The following MECOM variants were observed in gnomAD, a reference collection of about 807,000 sequenced individuals.
MECOM encodes MDS1 and EVI1 complex locus.
In MECOM, 13 loss-of-function variants were observed where a neutral mutation model predicts 116.3. The ratio of observed to expected loss-of-function variants is 0.11; its 90% CI spans 0.07 to 0.18. The LOEUF (loss-of-function observed/expected upper bound fraction) is 0.18. Among genes scored for constraint, MECOM ranks in the 10% least tolerant of loss-of-function variants. MECOM has a pLI of 1.00. For missense variants in MECOM, 1,299 were observed against 1,509.0 expected, an observed-to-expected ratio of 0.86 and a Z score of 2.31; for synonymous variants, 528 against 535.2, an observed-to-expected ratio of 0.99 and a Z score of 0.19.
At chr3:169,635,791 AT>A (rs1772673204) in intron 1 of MECOM, among the ~76,000 whole-genome samples, 1 of 152,216 alleles carries the variant, frequency 6.6e-6, no homozygotes, top group Non-Finnish European at 1.5e-5. Context: ...GATCATTTTC[AT>A]AATTAATTTA....
intron 2 of MECOM, among the ~76,000 whole-genome samples, chr3:169,247,899 T>C (rs1253554241): frequency 3.3e-5 from 5 of 152,216 alleles, no homozygotes; most frequent in Non-Finnish European, 7.3e-5. Context: ...AAAAATGTGA[T>C]AGAATTCAGT....
chr3:169,330,730 A>T (rs1022852298), intron 2 of MECOM, among the ~76,000 whole-genome samples: 1 of 152,086 alleles, frequency 6.6e-6, no homozygotes, highest in Non-Finnish European at 1.5e-5. Context: ...CCAAAAAAAA[A>T]TAAATGTAAT....
intron 1 of MECOM, among the ~76,000 whole-genome samples, chr3:169,425,245 C>T (rs1007420981): frequency 6.6e-6 from 1 of 152,100 alleles, no homozygotes; most frequent in African/African-American, 2.4e-5. Flanking sequence ...ACTTCAGTGG[C>T]ACCAGATCAC....
chr3:169,574,827 A>G (rs974238871), intron 1 of MECOM, among the ~76,000 whole-genome samples: 2 of 115,644 alleles, frequency 1.7e-5, no homozygotes, highest in African/African-American at 1.0e-4. Context: ...CTGTATTTAT[A>G]AAAAAAAAAA....
chr3:169,616,414 T>G (rs1224406430), intron 1 of MECOM, among the ~76,000 whole-genome samples: 4 of 152,134 alleles, frequency 2.6e-5, no homozygotes, highest in Non-Finnish European at 5.9e-5. Context: ...GGCACGATCT[T>G]GGTTCACTGC....
At chr3:169,242,749 A>G (rs1755043243) in intron 2 of MECOM, among the ~76,000 whole-genome samples, 1 of 152,098 alleles carries the variant, frequency 6.6e-6, no homozygotes, top group African/African-American at 2.4e-5. Flanking sequence ...TCCTACTCTC[A>G]TGGTAGGTTA....
chr3:169,388,704 G>A (rs890911263), intron 1 of MECOM, among the ~76,000 whole-genome samples: 1 of 152,120 alleles, frequency 6.6e-6, no homozygotes, highest in Non-Finnish European at 1.5e-5. Context: ...GACTTAAATG[G>A]AGTGTTTGGA....
chr3:169,369,133 G>C (rs1274617099), intron 2 of MECOM, among the ~76,000 whole-genome samples: 1 of 151,938 alleles, frequency 6.6e-6, no homozygotes. Flanking sequence ...AGCAGTAAGA[G>C]TAATAGACAT....
chr3:169,300,863 G>C (rs1400715194), intron 2 of MECOM, among the ~76,000 whole-genome samples: 1 of 152,126 alleles, frequency 6.6e-6, no homozygotes, highest in African/African-American at 2.4e-5. Context: ...TGGAGCCTGG[G>C]GTTCTATTAG....
chr3:169,450,532 C>T (rs1454068405), intron 1 of MECOM, among the ~76,000 whole-genome samples: 1 of 151,664 alleles, frequency 6.6e-6, no homozygotes, highest in South Asian at 2.1e-4. Flanking sequence ...CTAAGAAAAA[C>T]CTTTTCCACT....
At chr3:169,361,060 T>A (rs1303530463) in intron 2 of MECOM, among the ~76,000 whole-genome samples, 1 of 151,694 alleles carries the variant, frequency 6.6e-6, no homozygotes, top group Non-Finnish European at 1.5e-5. Flanking sequence ...GTAAAAGAGA[T>A]AACCCTTAAA....
At chr3:169,318,703 A>C (rs1257602893) in intron 2 of MECOM, among the ~76,000 whole-genome samples, 1 of 152,224 alleles carries the variant, frequency 6.6e-6, no homozygotes, top group Non-Finnish European at 1.5e-5. Flanking sequence ...TGTGGAAGAC[A>C]GTATGGCGAT....
At chr3:169,352,611 T>G (rs1726521122) in intron 2 of MECOM, among the ~76,000 whole-genome samples, 1 of 151,948 alleles carries the variant, frequency 6.6e-6, no homozygotes, top group South Asian at 2.1e-4. Context: ...ACTAAAATTT[T>G]TAATGTCTAA....
At chr3:169,365,512 C>T (rs1729018593) in intron 2 of MECOM, among the ~76,000 whole-genome samples, 1 of 152,066 alleles carries the variant, frequency 6.6e-6, no homozygotes, top group Admixed American at 6.6e-5. Flanking sequence ...ATCTGCTGCT[C>T]TTTGGAACAA....
In MECOM at chr3:169,514,881, A is replaced by G. The variant is rs529861056; in HGVS notation, c.38-133357T>C. ...AGTTTTAAATCAACTTACCAACAAT[A>G]TACAATTCAACTCAGAAAGTAAATA... On this transcript the variant is annotated intron_variant, in intron 1 of 16. Coordinates refer to ENST00000651503, the MANE Select transcript of MECOM (RefSeq NM_004991.4). Among the ~76,000 whole-genome samples, 4 of 152,334 alleles carry G rather than the reference A, an allele frequency of 2.6e-5. No individual in the cohort carries two copies. In the East Asian group the frequency reaches 7.7e-4, roughly 29 times the overall value.
chr3:169,263,128 T>TATATA (rs1757802269), intron 2 of MECOM, among the ~76,000 whole-genome samples: 1 of 64,066 alleles, frequency 1.6e-5, no homozygotes, highest in Non-Finnish European at 2.7e-5. Flanking sequence ...TATATATATA[T>TATATA]GTTTTTTTTT....
chr3:169,119,614 G>A (rs1730318779), intron 7 of MECOM, among the ~76,000 whole-genome samples: 1 of 151,974 alleles, frequency 6.6e-6, no homozygotes, highest in Non-Finnish European at 1.5e-5. Context: ...GTTTATTCTA[G>A]TTTTTTCTCA....
intron 1 of MECOM, among the ~76,000 whole-genome samples, chr3:169,584,321 T>C (rs1443302380): frequency 6.6e-6 from 1 of 151,968 alleles, no homozygotes; most frequent in East Asian, 1.9e-4. Flanking sequence ...ATCCCAGCAC[T>C]TTGGGAGGCC....
At chr3:169,178,989 G>A (rs994120268) in intron 2 of MECOM, among the ~76,000 whole-genome samples, 7 of 152,138 alleles carry the variant, frequency 4.6e-5, no homozygotes, top group East Asian at 1.9e-4. Flanking sequence ...AATATACTAC[G>A]CCCACAATAT....
Sources: gnomAD v4.1 joint callset for allele counts (sites outside exome capture counted in the v4.1 genomes callset) on GRCh38, gnomAD v4.1.1 for gene constraint, MANE v1.5 for transcripts, NCBI Gene and HGNC (gene_info 2026-07-23, HGNC 2026-07-21) for gene names.